STX18: variants seen among roughly 807,000 people sequenced by gnomAD.
The protein encoded by STX18 is syntaxin-18.
A neutral mutation model predicts 50.1 loss-of-function variants in STX18; 40 were observed. The observed-to-expected ratio is 0.80, with a 90% CI of 0.62 to 1.04. The LOEUF (loss-of-function observed/expected upper bound fraction) is 1.04. STX18 is among the 50% of genes least tolerant of loss of function. STX18 has a pLI of 0.00. For synonymous variants in STX18, 158 were observed against 151.8 expected (o/e 1.04, Z -0.30); for missense variants, 410 against 415.8 (o/e 0.99, Z 0.12).
chr4:4,495,190 C>T (rs922954598), intron 1 of STX18, among the ~76,000 whole-genome samples: 9 of 152,082 alleles, frequency 5.9e-5, no homozygotes, highest in African/African-American at 2.2e-4. Flanking sequence ...TAGTACATGC[C>T]TCAGAGTGTG....
chr4:4,501,194 C>T (rs1261035529), intron 1 of STX18, among the ~76,000 whole-genome samples: 9 of 152,116 alleles, frequency 5.9e-5, no homozygotes. Flanking sequence ...GTTCACTGAA[C>T]CTGTGTCTGA....
At chr4:4,437,808 G>C (rs575461807) in intron 6 of STX18, among the ~76,000 whole-genome samples, 1 of 152,356 alleles carries the variant, frequency 6.6e-6, no homozygotes, top group South Asian at 2.1e-4. Flanking sequence ...CAGACACACA[G>C]ATCGCAGACA....
chr4:4,528,656 T>C (rs917459855), intron 1 of STX18, among the ~76,000 whole-genome samples: 1 of 152,240 alleles, frequency 6.6e-6, no homozygotes, highest in East Asian at 1.9e-4. Context: ...GTGGCTAAAC[T>C]GCATCTTTCG....
At chr4:4,493,152 G>C (rs1473910904) in intron 1 of STX18, among the ~76,000 whole-genome samples, 1 of 152,124 alleles carries the variant, frequency 6.6e-6, no homozygotes, top group Non-Finnish European at 1.5e-5. Flanking sequence ...TCTGCTTTCA[G>C]ACAATCAAAG....
At chr4:4,540,633 C>T (rs1482116822) in intron 1 of STX18, among the ~76,000 whole-genome samples, 1 of 152,180 alleles carries the variant, frequency 6.6e-6, no homozygotes, top group African/African-American at 2.4e-5. Flanking sequence ...TGTTTTATGT[C>T]TATGTCCGTC....
chr4:4,509,742 G>T (rs1231812205), intron 1 of STX18, among the ~76,000 whole-genome samples: 1 of 152,104 alleles, frequency 6.6e-6, no homozygotes, highest in East Asian at 1.9e-4. Context: ...TAGGGAAAAA[G>T]GTGAATTCTA....
intron 5 of STX18, among the ~76,000 whole-genome samples, chr4:4,439,865 T>A (rs1347836390): frequency 6.6e-6 from 1 of 152,116 alleles, no homozygotes; most frequent in African/African-American, 2.4e-5. Context: ...AGAGGCCACC[T>A]CTGACTCTTC....
At chr4:4,452,055 T>C (rs1025990348) in intron 5 of STX18, among the ~76,000 whole-genome samples, 2 of 152,232 alleles carry the variant, frequency 1.3e-5, no homozygotes, top group African/African-American at 2.4e-5. Flanking sequence ...AACAGCCTTA[T>C]TGCCGATGGG....
At chr4:4,515,646 C>T (rs943053124) in intron 1 of STX18, among the ~76,000 whole-genome samples, 5 of 152,106 alleles carry the variant, frequency 3.3e-5, no homozygotes, top group African/African-American at 7.2e-5. Flanking sequence ...AAGAGAGACA[C>T]ACGTGCTTTA....
At chr4:4,507,550 C>A in intron 1 of STX18, 1 of 768,862 alleles carries the variant, frequency 1.3e-6, no homozygotes, top group Admixed American at 1.7e-5. Flanking sequence ...GCAAAAGCGT[C>A]CCAGGAGTGC....
chr4:4,455,939 G>C (rs990895558), intron 5 of STX18, among the ~76,000 whole-genome samples: 1 of 152,108 alleles, frequency 6.6e-6, no homozygotes, highest in African/African-American at 2.4e-5. Context: ...AGACCTCTTA[G>C]TGAATCCTAG....
At chr4:4,435,281 T>C (rs190920222) in intron 6 of STX18, among the ~76,000 whole-genome samples, 2 of 152,240 alleles carry the variant, frequency 1.3e-5, no homozygotes, top group Non-Finnish European at 2.9e-5. Flanking sequence ...TATGCATATA[T>C]ACATACATAT....
intron 1 of STX18, among the ~76,000 whole-genome samples, chr4:4,488,323 T>C (rs1385103799): frequency 5.9e-5 from 9 of 152,156 alleles, no homozygotes; most frequent in Non-Finnish European, 2.9e-5. Flanking sequence ...AAAAGTTTTG[T>C]TTGAATTATA....
intron 1 of STX18, among the ~76,000 whole-genome samples, chr4:4,474,527 T>C (rs1242430561): frequency 1.3e-5 from 2 of 152,186 alleles, no homozygotes; most frequent in East Asian, 1.9e-4. Flanking sequence ...TGGTGTTACA[T>C]GACAACAGGG....
intron 1 of STX18, among the ~76,000 whole-genome samples, chr4:4,489,450 A>G (rs956601547): frequency 1.0e-5 from 1 of 99,778 alleles, no homozygotes; most frequent in Non-Finnish European, 1.8e-5. Context: ...AGGTCTTGCC[A>G]TGTTGCCCAG....
At chr4:4,421,825 T>A (rs924551519) in intron 9 of STX18, among the ~76,000 whole-genome samples, 1 of 152,124 alleles carries the variant, frequency 6.6e-6, no homozygotes, top group Admixed American at 6.5e-5. Context: ...AATTTAAAAA[T>A]CAAAATAGGA....
At chr4:4,510,658 T>C (rs1284396808) in intron 1 of STX18, among the ~76,000 whole-genome samples, 1 of 152,208 alleles carries the variant, frequency 6.6e-6, no homozygotes, top group Non-Finnish European at 1.5e-5. Flanking sequence ...ACTAGGTGTA[T>C]ACCCAAAGGA....
intron 1 of STX18, among the ~76,000 whole-genome samples, chr4:4,530,589 T>C (rs1577407511): frequency 1.3e-5 from 2 of 152,104 alleles, no homozygotes; most frequent in Non-Finnish European, 2.9e-5. Context: ...TAAGGCTTTG[T>C]GAAAAAAAGA....
At position 4,531,267 on chromosome 4, in the gene STX18, C is replaced by T. The variant is rs527619873; in HGVS notation, c.168+10530G>A. Among the ~76,000 whole-genome samples, 25 of 152,148 alleles carry T rather than the reference C, an allele frequency of 1.6e-4. No individual in the cohort carries two copies. In the South Asian group the frequency reaches 4.6e-3, roughly 28 times the overall value. Reference sequence around the variant, plus strand: ...TTGGTATATATGCTGCCAAAGTGAGCATTAAAGTAATAATTGCTGTGTTGA... The same window carrying T: ...TTGGTATATATGCTGCCAAAGTGAGTATTAAAGTAATAATTGCTGTGTTGA... On this transcript the variant is annotated intron_variant, in intron 1 of 10. Coordinates refer to ENST00000306200, the MANE Select transcript of STX18 (RefSeq NM_016930.4).
Sources: gnomAD v4.1 joint callset for allele counts (sites outside exome capture counted in the v4.1 genomes callset) on GRCh38, gnomAD v4.1.1 for gene constraint, MANE v1.5 for transcripts, NCBI Gene and HGNC (gene_info 2026-07-23, HGNC 2026-07-21) for gene names.